The following DISP3 variants were observed in gnomAD, a reference collection of about 807,000 sequenced individuals.
The protein encoded by DISP3 is protein dispatched homolog 3.
In DISP3, 101 loss-of-function variants were observed where a neutral mutation model predicts 135.3. The ratio of observed to expected loss-of-function variants is 0.75; its 90% CI spans 0.64 to 0.88. DISP3 has a LOEUF of 0.88. DISP3 is among the 40% of genes least tolerant of loss of function. The probability of loss-of-function intolerance (pLI) is 0.00; values close to 1 mark genes in which losing one functional copy is unlikely to be tolerated. For missense variants in DISP3, 1,713 were observed against 1,878.6 expected (o/e 0.91, Z 1.63); for synonymous variants, 856 against 817.0 (o/e 1.05, Z -0.81).
Position 11,534,521 on chromosome 1 carries a change from G to A in DISP3, c.3516G>A (p.Gln1172=). Residue 1172 remains glutamine (Q), a synonymous_variant, in exon 18 of 21, where the codon CAG becomes CAA. Coordinates refer to ENST00000294484, the MANE Select transcript of DISP3 (RefSeq NM_020780.2). ...RGFQTCEHWK[Q]IFMEIVGVQS... ...TCCAGACCTGCGAGCACTGGAAGCAGATATTCATGGAAATCGTAGGCAAGC... is the reference window on the plus strand; with the variant it reads ...TCCAGACCTGCGAGCACTGGAAGCAAATATTCATGGAAATCGTAGGCAAGC... The A allele has an allele frequency of 6.2e-7, 1 of 1,609,458 alleles. No homozygotes were observed. Among genetic ancestry groups the A allele is most frequent in the Non-Finnish European group, 8.5e-7 (1 of 1,176,694 alleles).
At position 11,501,674 on chromosome 1, in the gene DISP3, A is replaced by AAG. The variant is rs1443342046; in HGVS notation, c.684_685dup (p.Asn229ArgfsTer36). 1 of 1,607,100 alleles carries AAG rather than the reference A, an allele frequency of 6.2e-7. No homozygotes were observed. Reference sequence around the variant, plus strand: ...AGACCCGCGAAACCAGCGGCTGAGCAAGAATGGGCGGTACCAGCCCAGCAT... The same window carrying AAG: ...AGACCCGCGAAACCAGCGGCTGAGCAAGAGAATGGGCGGTACCAGCCCAGCAT... On this transcript the variant is annotated frameshift_variant, in exon 2 of 21. Coordinates refer to ENST00000294484, the MANE Select transcript of DISP3 (RefSeq NM_020780.2). LOFTEE classifies it high-confidence loss of function. This position sits in a 1 kb window ranked among gnomAD's most constrained non-coding sequence, Gnocchi z 4.9.
At chr1:11,514,271 C>A in intron 3 of DISP3, 119 bp from the exon 4 acceptor site, 7 of 1,245,372 alleles carry the variant, frequency 5.6e-6, no homozygotes, top group Non-Finnish European at 7.9e-6. Context: ...GATATCCAAC[C>A]AAGGTAGAGT....
chr1:11,498,485 A>G (rs1247260833), intron 1 of DISP3, among the ~76,000 whole-genome samples: 1 of 152,100 alleles, frequency 6.6e-6, no homozygotes, highest in Non-Finnish European at 1.5e-5. Context: ...GTCCGAAGAG[A>G]GCCAGAAGGA....
chr1:11,500,396 C>T (rs188803629), intron 1 of DISP3, among the ~76,000 whole-genome samples: 12 of 152,340 alleles, frequency 7.9e-5, no homozygotes, highest in Admixed American at 2.6e-4. Flanking sequence ...TTTGACTCCA[C>T]AGTCGTACGA....
intron 3 of DISP3, among the ~76,000 whole-genome samples, chr1:11,513,394 T>C (rs1641912825): frequency 6.6e-6 from 1 of 152,216 alleles, no homozygotes. Context: ...GTTTTTTAAA[T>C]GTATTTTTGC....
chr1:11,500,645 A>G (rs1328353500), intron 1 of DISP3, among the ~76,000 whole-genome samples: 5 of 152,198 alleles, frequency 3.3e-5, no homozygotes, highest in Admixed American at 2.6e-4. Context: ...CAGAGGATGC[A>G]GCAAGCATTA....
At chr1:11,489,876 A>C (rs12071779) in intron 1 of DISP3, among the ~76,000 whole-genome samples, 2 of 152,160 alleles carry the variant, frequency 1.3e-5, no homozygotes, top group African/African-American at 2.4e-5. Context: ...ATTGTTTTAC[A>C]TATTTGTTAA....
At chr1:11,488,553 C>G (rs1206683523) in intron 1 of DISP3, among the ~76,000 whole-genome samples, 1 of 152,204 alleles carries the variant, frequency 6.6e-6, no homozygotes, top group Admixed American at 6.5e-5. Context: ...TCTCTCATGT[C>G]TCCACCCTCC....
At chr1:11,528,922 C>T (rs933777907) in intron 13 of DISP3, among the ~76,000 whole-genome samples, 3 of 152,224 alleles carry the variant, frequency 2.0e-5, no homozygotes, top group Admixed American at 1.3e-4. Flanking sequence ...CCACTGGGTC[C>T]CTTCCAGCCT....
At position 11,520,598 on chromosome 1, in the gene DISP3, A is replaced by G; in HGVS notation, c.2201-89A>G. 7.0e-7 allele frequency: 1 copy of G among 1,432,362 alleles called. No individual in the cohort carries two copies. The highest frequency in any genetic ancestry group is 1.4e-5 in the African/African-American group (1 of 70,668). The allele number at this position is 1,432,362 out of a possible 1,614,324, so 88.7% of individuals were successfully genotyped here. On this transcript the variant is annotated intron_variant, in intron 9 of 20. Coordinates refer to ENST00000294484, the MANE Select transcript of DISP3 (RefSeq NM_020780.2). The surrounding 1 kb of genome is among the most constrained non-coding windows in gnomAD (Gnocchi z 4.8). ...TTAGGACACCCGCCCCCCAACAACC[A>G]GAGCAGTTGTCTCCCGGCACTTTGG... is the stretch of plus-strand genomic sequence containing the variant.
chr1:11,530,851 G>A lies in DISP3; in HGVS notation c.3103-56G>A, dbSNP rs533792569. ...CCCAGGGTTGGGGGTGAGCACCCAG[G>A]ACTGAGTCCCCGTCTCACTGAGCGG... On this transcript the variant is annotated intron_variant, in intron 15 of 20. Coordinates refer to ENST00000294484, the MANE Select transcript of DISP3 (RefSeq NM_020780.2). 31 of 1,605,292 alleles carry A rather than the reference G, an allele frequency of 1.9e-5. No homozygotes were observed. The East Asian group carries it at 6.7e-4, about 35-fold the overall frequency.
intron 1 of DISP3, among the ~76,000 whole-genome samples, chr1:11,486,872 T>A (rs1373980710): frequency 6.6e-6 from 1 of 152,084 alleles, no homozygotes. Flanking sequence ...AGAGACAAGG[T>A]CTCCCTATGT....
intron 1 of DISP3, among the ~76,000 whole-genome samples, chr1:11,498,108 G>A (rs1184592543): frequency 6.6e-6 from 1 of 152,248 alleles, no homozygotes; most frequent in Non-Finnish European, 1.5e-5. Flanking sequence ...AGGGTATGGA[G>A]CCACACATAC....
chr1:11,495,150 T>C (rs1641295505), intron 1 of DISP3, among the ~76,000 whole-genome samples: 1 of 152,190 alleles, frequency 6.6e-6, no homozygotes, highest in East Asian at 1.9e-4. Flanking sequence ...CTCAACACTT[T>C]GGGAGGCCAA....
intron 3 of DISP3, among the ~76,000 whole-genome samples, chr1:11,511,755 C>G (rs1641861954): frequency 6.6e-6 from 1 of 152,198 alleles, no homozygotes; most frequent in African/African-American, 2.4e-5. Context: ...TGTGTGGGGA[C>G]TCTGACCCCA....
At chr1:11,518,394 C>T (rs957812481) in intron 7 of DISP3, among the ~76,000 whole-genome samples, 3 of 152,230 alleles carry the variant, frequency 2.0e-5, no homozygotes, top group African/African-American at 7.2e-5. Flanking sequence ...TTCAGGACCC[C>T]GCTGTGGTGG....
chr1:11,526,944 C>CTT (rs754627932), intron 13 of DISP3, 109 bp downstream of exon 13: 2,326 of 1,010,128 alleles, frequency 2.3e-3, no homozygotes, highest in Non-Finnish European at 2.7e-3. Flanking sequence ...GGCCCCCTCA[C>CTT]TTTTTTTTTT....
chr1:11,517,346 C>A, intron 6 of DISP3, 117 bp from the exon 7 acceptor site: 1 of 1,369,394 alleles, frequency 7.3e-7, no homozygotes. Flanking sequence ...CCTCCTCCTA[C>A]TGCCTCAGTC....
chr1:11,486,607 C>T (rs1466220843), intron 1 of DISP3, among the ~76,000 whole-genome samples: 1 of 151,950 alleles, frequency 6.6e-6, no homozygotes. Flanking sequence ...AATGAACATG[C>T]GAATAGATCT....
Sources: gnomAD v4.1 joint callset for allele counts (sites outside exome capture counted in the v4.1 genomes callset) on GRCh38, gnomAD v4.1.1 for gene constraint, Gnocchi (gnomAD v3.1) non-coding constraint, MANE v1.5 for transcripts, NCBI Gene and HGNC (gene_info 2026-07-23, HGNC 2026-07-21) for gene names.